UGT1A7: variants seen among roughly 807,000 people sequenced by gnomAD.
UGT1A7 encodes UDP glucuronosyltransferase family 1 member A7.
A neutral mutation model predicts 45.6 loss-of-function variants in UGT1A7; 33 were observed. That is an observed-to-expected ratio of 0.72 (90% confidence interval 0.55 to 0.97). The LOEUF (loss-of-function observed/expected upper bound fraction) is 0.97, where lower values mean the gene tolerates loss of function less well. Ranked by LOEUF, UGT1A7 falls within the 50% of genes least tolerant of loss-of-function variation. UGT1A7 has a pLI of 0.00. For missense variants in UGT1A7, 684 were observed against 666.2 expected (o/e 1.03, Z -0.29); for synonymous variants, 274 against 250.6 (o/e 1.09, Z -0.88).
intron 1 of UGT1A7, chr2:233,721,988 G>A (rs1184404507): frequency 1.1e-5 from 3 of 269,960 alleles, no homozygotes; most frequent in African/African-American, 2.2e-5. Context: ...GTAGTTTCAC[G>A]AATGTCCTTT....
intron 1 of UGT1A7, among the ~76,000 whole-genome samples, chr2:233,724,843 CA>C (rs1314943677): frequency 7.6e-6 from 1 of 132,312 alleles, no homozygotes; most frequent in Non-Finnish European, 1.6e-5. Context: ...GAGGCCAAGG[CA>C]GGCGGCTGGG....
intron 1 of UGT1A7, among the ~76,000 whole-genome samples, chr2:233,733,033 T>G (rs202002745): frequency 2.0e-5 from 3 of 152,098 alleles, no homozygotes; most frequent in Non-Finnish European, 4.4e-5. Context: ...CACATCCCTT[T>G]TAAGTTGGAT....
intron 1 of UGT1A7, chr2:233,689,871 C>T (rs758683937): frequency 3.1e-5 from 14 of 456,438 alleles, no homozygotes; most frequent in Non-Finnish European, 5.7e-5. Context: ...TACCTTCTTG[C>T]TTATCAAGTG....
intron 1 of UGT1A7, among the ~76,000 whole-genome samples, chr2:233,762,877 CTT>C (rs1394473755): frequency 6.6e-6 from 1 of 152,136 alleles, no homozygotes; most frequent in East Asian, 1.9e-4. Flanking sequence ...GGTTTCTTCT[CTT>C]ATAAATTCCA....
chr2:233,730,518 T>C (rs1423750757), intron 1 of UGT1A7, among the ~76,000 whole-genome samples: 2 of 152,032 alleles, frequency 1.3e-5, no homozygotes, highest in African/African-American at 4.8e-5. Context: ...TCAGTGGAAG[T>C]GGGGCAATGA....
At position 233,713,775 on chromosome 2, in the gene UGT1A7, G is replaced by A. The variant is rs2076345614; in HGVS notation, c.855+30983G>A. 1 of 1,614,026 alleles carries A rather than the reference G, an allele frequency of 6.2e-7. No homozygotes were observed. Among genetic ancestry groups the A allele is most frequent in the South Asian group, 1.1e-5 (1 of 91,070 alleles). On this transcript the variant is annotated intron_variant, in intron 1 of 4. Coordinates refer to ENST00000373426, the MANE Select transcript of UGT1A7 (RefSeq NM_019077.3). ...TGTGTGGCTGTTCCGAGGGGACTTT[G>A]TGATGGATTACCCCAGGCCGATCAT...
chr2:233,746,072 G>A (rs1693292846), intron 1 of UGT1A7, among the ~76,000 whole-genome samples: 2 of 151,808 alleles, frequency 1.3e-5, no homozygotes, highest in Admixed American at 6.6e-5. Flanking sequence ...AAAGAGAAGA[G>A]GAGTCACTTC....
intron 1 of UGT1A7, chr2:233,760,815 A>G: frequency 6.2e-7 from 1 of 1,613,556 alleles, no homozygotes; most frequent in Non-Finnish European, 8.5e-7. Context: ...ATGCACTGCC[A>G]TGCAGCCTGG....
At chr2:233,728,345 G>A (rs2077703623) in intron 1 of UGT1A7, among the ~76,000 whole-genome samples, 1 of 152,208 alleles carries the variant, frequency 6.6e-6, no homozygotes, top group Non-Finnish European at 1.5e-5. Context: ...GTCCCTTGGT[G>A]AGCAGGAGCT....
At chr2:233,703,382 A>C (rs1384920463) in intron 1 of UGT1A7, among the ~76,000 whole-genome samples, 1 of 151,458 alleles carries the variant, frequency 6.6e-6, no homozygotes, top group African/African-American at 2.4e-5. Flanking sequence ...TTTTGTCTAT[A>C]TTTTCAAATA....
At chr2:233,733,817 C>T (rs994930501) in intron 1 of UGT1A7, among the ~76,000 whole-genome samples, 1 of 152,092 alleles carries the variant, frequency 6.6e-6, no homozygotes, top group Admixed American at 6.5e-5. Flanking sequence ...ATGCTGGCCT[C>T]ATAAAATGAG....
At chr2:233,756,622 C>T (rs1385853377) in intron 1 of UGT1A7, among the ~76,000 whole-genome samples, 1 of 152,014 alleles carries the variant, frequency 6.6e-6, no homozygotes, top group African/African-American at 2.4e-5. Flanking sequence ...ACTTGCAGGC[C>T]GTGTGTATAG....
intron 1 of UGT1A7, chr2:233,693,074 G>C: frequency 6.2e-7 from 1 of 1,614,172 alleles, no homozygotes; most frequent in Non-Finnish European, 8.5e-7. Context: ...TTGGGGCATG[G>C]TTGTAGGTGA....
At chr2:233,693,552 G>A in intron 1 of UGT1A7, 3 of 1,614,184 alleles carry the variant, frequency 1.9e-6, no homozygotes, top group Non-Finnish European at 2.5e-6. Context: ...CATACATTCA[G>A]CAGAAGCCCA....
At chr2:233,737,915 A>C (rs986485881) in intron 1 of UGT1A7, among the ~76,000 whole-genome samples, 8 of 152,040 alleles carry the variant, frequency 5.3e-5, no homozygotes, top group Non-Finnish European at 8.8e-5. Context: ...AGAACAGGCT[A>C]GTGTATTTAG....
rs370145562 is a variant in UGT1A7, at chr2:233,682,132, A to G, written c.195A>G (p.Gln65=). The G allele has an allele frequency of 2.6e-5, 42 of 1,614,106 alleles. No individual in the cohort carries two copies. Among genetic ancestry groups the G allele is most frequent in the Non-Finnish European group, 3.2e-5 (38 of 1,180,030 alleles). Residue 65 remains glutamine, a synonymous_variant, in exon 1 of 5, where the codon CAA becomes CAG. Coordinates refer to ENST00000373426, the MANE Select transcript of UGT1A7 (RefSeq NM_019077.3). ...VVVVMPEVSW[Q]LGRSLNCTVK... is the part of the protein sequence containing the mutation. Reference sequence around the variant, plus strand: ...TAGTCATGCCAGAGGTGAGTTGGCAACTGGGAAGATCACTGAATTGCACAG... The same window carrying G: ...TAGTCATGCCAGAGGTGAGTTGGCAGCTGGGAAGATCACTGAATTGCACAG...
intron 1 of UGT1A7, among the ~76,000 whole-genome samples, chr2:233,749,910 CTG>C: frequency 6.6e-6 from 1 of 152,052 alleles, no homozygotes; most frequent in Non-Finnish European, 1.5e-5. Context: ...CCACCTGGAA[CTG>C]TGAGTCAATT....
intron 1 of UGT1A7, chr2:233,747,259 G>C (rs1240117777): frequency 7.1e-5 from 114 of 1,600,384 alleles, no homozygotes; most frequent in Non-Finnish European, 9.2e-5. Flanking sequence ...GGCCACAGGA[G>C]TGCTACTCCT....
rs1263379860 is a variant in UGT1A7 at position 233,724,980 on chromosome 2, C to T, written c.856-42054C>T. 2.1e-5 allele frequency among the ~76,000 whole-genome samples: 3 copies of T among 144,408 alleles called. 1 individual carries two copies. Among genetic ancestry groups the T allele is most frequent in the East Asian group, 2.1e-4 (1 of 4,756 alleles). The allele number at this position is 144,408 out of a possible 152,430, so 94.7% of individuals were successfully genotyped here. Reference sequence around the variant, plus strand: ...GGGAGGCCGAGGTTGGCGGATCACTCGCGGTTAGGGGCTGGAGACCGGCCC... The same window carrying T: ...GGGAGGCCGAGGTTGGCGGATCACTTGCGGTTAGGGGCTGGAGACCGGCCC... On this transcript the variant is annotated intron_variant, in intron 1 of 4. Transcript: ENST00000373426.
Sources: allele counts gnomAD v4.1 joint callset (sites outside exome capture counted in the v4.1 genomes callset), GRCh38; gene constraint gnomAD v4.1.1; transcripts MANE v1.5; gene names NCBI Gene and HGNC (gene_info 2026-07-23, HGNC 2026-07-21).